ZNF77: variants seen among roughly 807,000 people sequenced by gnomAD.
ZNF77 encodes the protein zinc finger protein 77, also known as ZNFpT1.
Under a neutral mutation model 13.5 loss-of-function variants are expected in ZNF77, and 15 were observed. The ratio of observed to expected loss-of-function variants is 1.11; its 90% CI spans 0.74 to 1.71. The LOEUF is 1.71. Among genes scored for constraint, ZNF77 ranks in the 40% most tolerant of loss-of-function variants. The pLI is 0.00. For missense variants in ZNF77, 717 were observed against 676.4 expected (o/e 1.06, Z -0.67); for synonymous variants, 282 against 250.0 (o/e 1.13, Z -1.21).
intron 2 of ZNF77, among the ~76,000 whole-genome samples, chr19:2,938,766 C>T (rs541270020): frequency 3.3e-5 from 5 of 152,194 alleles, no homozygotes; most frequent in South Asian, 2.1e-4. Flanking sequence ...ACCATCCTGG[C>T]TAACACGGTG....
chr19:2,937,997 A>G (rs1183764804), intron 2 of ZNF77, among the ~76,000 whole-genome samples: 1 of 152,162 alleles, frequency 6.6e-6, no homozygotes, highest in Admixed American at 6.5e-5. Flanking sequence ...CCTTAGGTGA[A>G]CCACCCACCT....
Position 2,934,692 on chromosome 19 carries a change from A to G in ZNF77, c.435T>C (p.Thr145=). The change falls in exon 4 of 4, where the codon ACT becomes ACC. Residue 145 remains threonine (T), a synonymous_variant. Transcript: ENST00000314531. ...GATTCTCGAAGGCTTTGCCACACTT[A>G]GTGCACTCAGAGGGTTTAGCTTCGG... is the stretch of plus-strand genomic sequence containing the variant. ...YPTEAKPSEC[T]KCGKAFENRQ... is the part of the protein sequence containing the mutation. 6.2e-7 allele frequency: 1 copy of G among 1,614,134 alleles called. No individual in the cohort carries two copies. The highest frequency in any genetic ancestry group is 8.5e-7 in the Non-Finnish European group (1 of 1,180,024).
chr19:2,935,293 C>T (rs2088386067), intron 3 of ZNF77, among the ~76,000 whole-genome samples: 1 of 148,602 alleles, frequency 6.7e-6, no homozygotes, highest in Non-Finnish European at 1.5e-5. Context: ...GCTGGGATTA[C>T]AGGTGTGAGC....
At position 2,933,447 on chromosome 19, in the gene ZNF77, T is replaced by C; in HGVS notation, c.*42A>G. Reference sequence around the variant, plus strand: ...ACGTTTCTCACATTTACAACAAGGTTTTACGGTTGAACACTCTCCCAGGTC... The same window carrying C: ...ACGTTTCTCACATTTACAACAAGGTCTTACGGTTGAACACTCTCCCAGGTC... On this transcript the variant is annotated 3_prime_UTR_variant, in exon 4 of 4. Transcript: ENST00000314531. The C allele has an allele frequency of 2.0e-6, 3 of 1,506,338 alleles. No individual in the cohort carries two copies. The highest frequency in any genetic ancestry group is 1.4e-5 in the South Asian group (1 of 70,994). The allele number at this position is 1,506,338 out of a possible 1,614,324, so 93.3% of individuals were successfully genotyped here.
chr19:2,939,078 G>T (rs78850150), intron 2 of ZNF77, among the ~76,000 whole-genome samples: 1 of 84,694 alleles, frequency 1.2e-5, no homozygotes. Context: ...TACCCAAGGA[G>T]GCAGTGAGGG....
rs373263433 is a variant in ZNF77, at chr19:2,933,870, A to G, written c.1257T>C (p.Phe419=). 6.2e-7 allele frequency: 1 copy of G among 1,613,472 alleles called. No homozygotes were observed. Among genetic ancestry groups the G allele is most frequent in the Non-Finnish European group, 8.5e-7 (1 of 1,179,842 alleles). The change falls in exon 4 of 4, where the codon TTT becomes TTC. Residue 419 remains phenylalanine, a synonymous_variant. Coordinates refer to ENST00000314531, the MANE Select transcript of ZNF77 (RefSeq NM_021217.3). Reference sequence around the variant, plus strand: ...TCACGTGGATTCGAAGGGAGGAGGAAAAACTGTAGGCTTTCCCACACTCTT... The same window carrying G: ...TCACGTGGATTCGAAGGGAGGAGGAGAAACTGTAGGCTTTCCCACACTCTT... ...QCKECGKAYS[F]SSSLRIHVRT...
chr19:2,944,857 G>A lies in ZNF77; in HGVS notation c.-17C>T. 6.6e-7 allele frequency: 1 copy of A among 1,526,284 alleles called. No homozygotes were observed. Among genetic ancestry groups the A allele is most frequent in the South Asian group, 1.2e-5 (1 of 82,722 alleles). The allele number at this position is 1,526,284 out of a possible 1,614,324, so 94.5% of individuals were successfully genotyped here. The stretch of plus-strand genomic sequence containing the variant: ...ACTCACCATGTCCCGCCCGCTCCTG[G>A]GCTCTCCAGGGTTAGCGCCCCGCGG... On this transcript the variant is annotated 5_prime_UTR_variant, in exon 1 of 4. Coordinates refer to ENST00000314531, the MANE Select transcript of ZNF77 (RefSeq NM_021217.3).
At chr19:2,935,090 C>A (rs527289262) in intron 3 of ZNF77, among the ~76,000 whole-genome samples, 1 of 152,196 alleles carries the variant, frequency 6.6e-6, no homozygotes, top group Middle Eastern at 3.4e-3. Context: ...GCCATCTCGG[C>A]TCACTGCAAG....
rs767350646 is a variant in ZNF77 at position 2,933,591 on chromosome 19, T to A, written c.1536A>T (p.Arg512Ser). Reference sequence around the variant, plus strand: ...CATACGGTCTCTCTCCAGTGTGCGTTCTCACGTGCACACGAAGGGACGAGG... The same window carrying A: ...CATACGGTCTCTCTCCAGTGTGCGTACTCACGTGCACACGAAGGGACGAGG... ...SCSSSLRVHV[R>S]THTGERPYEC... The change falls in exon 4 of 4, where the codon AGA becomes AGT. Residue 512 changes from arginine (R) to serine (S), a missense_variant. Coordinates refer to ENST00000314531, the MANE Select transcript of ZNF77 (RefSeq NM_021217.3). 1 of 1,612,242 alleles carries A rather than the reference T, an allele frequency of 6.2e-7. No homozygotes were observed. Among genetic ancestry groups the A allele is most frequent in the Non-Finnish European group, 8.5e-7 (1 of 1,179,162 alleles).
At chr19:2,937,806 G>T (rs1423087792) in intron 2 of ZNF77, among the ~76,000 whole-genome samples, 3 of 152,000 alleles carry the variant, frequency 2.0e-5, no homozygotes, top group Non-Finnish European at 4.4e-5. Flanking sequence ...ACCAAGACTG[G>T]AGTGCAGTGG....
Position 2,934,027 on chromosome 19 carries a change from A to G in ZNF77, c.1100T>C (p.Leu367Pro), listed in dbSNP as rs1345049379. 1 of 1,614,166 alleles carries G rather than the reference A, an allele frequency of 6.2e-7. No homozygotes were observed. Among genetic ancestry groups the G allele is most frequent in the Non-Finnish European group, 8.5e-7 (1 of 1,180,014 alleles). ...CGKAFRYPSS[L>P]RAHMRMHTGE... ...GGTGTGCATTCTCATGTGTGCTCGC[A>G]GAGAGGAGGGGTACCTGAAGGCTTT... The change falls in exon 4 of 4, where the codon CTG becomes CCG. Residue 367 changes from leucine (L) to proline (P), a missense_variant. Transcript: ENST00000314531.
chr19:2,943,910 A>G (rs2088473415), intron 1 of ZNF77, among the ~76,000 whole-genome samples: 1 of 151,592 alleles, frequency 6.6e-6, no homozygotes, highest in Non-Finnish European at 1.5e-5. Flanking sequence ...GGATTTCGCC[A>G]TGTTGTCCAG....
In ZNF77 at chr19:2,933,460, A is replaced by G; in HGVS notation, c.*29T>C. The G allele has an allele frequency of 6.6e-7, 1 of 1,514,426 alleles. No homozygotes were observed. Among genetic ancestry groups the G allele is most frequent in the South Asian group, 1.4e-5 (1 of 72,788 alleles). 93.8% of individuals were successfully genotyped at this position (1,514,426 alleles called of 1,614,324 possible). A position where few individuals can be genotyped will look rare whatever the true frequency, so the allele number is the denominator to read the frequency against. On this transcript the variant is annotated 3_prime_UTR_variant, in exon 4 of 4. Transcript: ENST00000314531. ...TTACAACAAGGTTTTACGGTTGAAC[A>G]CTCTCCCAGGTCCACTGTATTCGTA...
At chr19:2,937,957 A>AGG (rs2088412315) in intron 2 of ZNF77, among the ~76,000 whole-genome samples, 1 of 152,152 alleles carries the variant, frequency 6.6e-6, no homozygotes, top group Non-Finnish European at 1.5e-5. Context: ...GGGTTTCACC[A>AGG]CGTTGGCCAG....
chr19:2,933,648 T>C lies in ZNF77; in HGVS notation c.1479A>G (p.Glu493=), dbSNP rs760565835. Residue 493 remains glutamate, a synonymous_variant, in exon 4 of 4, where the codon GAA becomes GAG. Transcript: ENST00000314531. ...TGTAGGCTTTCCCACATTCAGTACA[T>C]TCGTAGGGTTTGACCCCACTGTGTG... ...VRSHSGVKPY[E]CTECGKAYSC... 1 of 1,613,762 alleles carries C rather than the reference T, an allele frequency of 6.2e-7. No individual in the cohort carries two copies.
In ZNF77 at chr19:2,934,241, A is replaced by T. The variant is rs1406399254; in HGVS notation, c.886T>A (p.Tyr296Asn). 1 of 1,614,132 alleles carries T rather than the reference A, an allele frequency of 6.2e-7. No individual in the cohort carries two copies. The highest frequency in any genetic ancestry group is 1.7e-5 in the Admixed American group (1 of 59,998). Residue 296 changes from tyrosine (Y) to asparagine (N), a missense_variant, in exon 4 of 4, where the codon TAT becomes AAT. Tyr to Asn is a moderately radical substitution (Grantham distance 143). Transcript: ENST00000314531. Reference protein sequence around the residue: ...HVRTHTGEKPYECKHCGKSFS... With the variant: ...HVRTHTGEKPNECKHCGKSFS... ...GATTTTCCACAATGCTTACATTCAT[A>T]CGGTTTCTCTCCAGTGTGTGTTCTG...
chr19:2,935,889 G>T (rs1212716850), intron 3 of ZNF77, among the ~76,000 whole-genome samples: 3 of 151,856 alleles, frequency 2.0e-5, no homozygotes, highest in Non-Finnish European at 4.4e-5. Context: ...AGTGGTGTGT[G>T]CCTATAGTCC....
chr19:2,933,914 C>A lies in ZNF77; in HGVS notation c.1213G>T (p.Val405Leu). Residue 405 changes from valine (V) to leucine (L), a missense_variant, in exon 4 of 4, where the codon GTG (valine) becomes TTG (leucine). By Grantham distance (32) the Val-to-Leu change is conservative. Coordinates refer to ENST00000314531, the MANE Select transcript of ZNF77 (RefSeq NM_021217.3). ...FRRHVKTHSG[V>L]KPYQCKECGK... is the part of the protein sequence containing the mutation. ...CACTCTTTACATTGATAGGGCTTCA[C>A]CCCGCTGTGTGTTTTCACATGTCTT... The A allele has an allele frequency of 6.2e-7, 1 of 1,613,682 alleles. No homozygotes were observed. Among genetic ancestry groups the A allele is most frequent in the Non-Finnish European group, 8.5e-7 (1 of 1,179,934 alleles).
chr19:2,943,423 G>A (rs2088467280), intron 1 of ZNF77, among the ~76,000 whole-genome samples: 2 of 151,940 alleles, frequency 1.3e-5, no homozygotes, highest in South Asian at 4.2e-4. Flanking sequence ...ACTTTACTCA[G>A]CCTTCTGTCC....
Sources: allele counts gnomAD v4.1 joint callset (sites outside exome capture counted in the v4.1 genomes callset), GRCh38; gene constraint gnomAD v4.1.1; transcripts MANE v1.5; gene names NCBI Gene and HGNC (gene_info 2026-07-23, HGNC 2026-07-21).